Variants in MAP2 observed in about 807,000 individuals in gnomAD.
MAP2 encodes microtubule associated protein 2.
Under a neutral mutation model 137.6 loss-of-function variants are expected in MAP2, and 14 were observed. The ratio of observed to expected loss-of-function variants is 0.10; its 90% confidence interval spans 0.07 to 0.16. The LOEUF (loss-of-function observed/expected upper bound fraction) is 0.16. MAP2 is among the 10% of genes least tolerant of loss of function. MAP2 has a pLI of 1.00. For synonymous variants in MAP2, 786 were observed against 782.3 expected (o/e 1.00, Z -0.08); for missense variants, 2,088 against 2,191.5 (o/e 0.95, Z 0.94).
In MAP2 at chr2:209,577,222, TG is replaced by T. The variant is rs1335449802; in HGVS notation, c.-171-2813del. On this transcript the variant is annotated intron_variant, in intron 2 of 15. Coordinates refer to ENST00000682079, the MANE Select transcript of MAP2 (RefSeq NM_001375505.1). Reference sequence around the variant, plus strand: ...ATATTTAAAGGGGCATTTTTTTTTTTGCGGGTCGGGGGAAGAATTCTAACCA... The same window carrying T: ...ATATTTAAAGGGGCATTTTTTTTTTTCGGGTCGGGGGAAGAATTCTAACCA... Among the ~76,000 whole-genome samples the T allele has an allele frequency of 2.0e-5, 3 of 152,172 alleles. No homozygotes were observed. In the East Asian group the frequency reaches 5.8e-4, roughly 29 times the overall value.
chr2:209,517,614 T>G (rs1054174560), intron 2 of MAP2, among the ~76,000 whole-genome samples: 1 of 152,044 alleles, frequency 6.6e-6, no homozygotes, highest in Non-Finnish European at 1.5e-5. Flanking sequence ...ATTGTAGTTT[T>G]TGATACGTAT....
At chr2:209,700,617 GTCCAGTTTAGT>G (rs1158355590) in intron 11 of MAP2, among the ~76,000 whole-genome samples, 1 of 152,130 alleles carries the variant, frequency 6.6e-6, no homozygotes, top group Non-Finnish European at 1.5e-5. Context: ...AAGTAAGGAA[GTCCAGTTTAGT>G]TACTTTTCAT....
intron 1 of MAP2, among the ~76,000 whole-genome samples, chr2:209,467,463 C>G (rs1008177075): frequency 2.0e-5 from 3 of 152,144 alleles, no homozygotes; most frequent in African/African-American, 4.8e-5. Context: ...TCTCTTCCTA[C>G]TACTCCCATT....
intron 2 of MAP2, among the ~76,000 whole-genome samples, chr2:209,527,624 C>T (rs546827378): frequency 1.2e-4 from 19 of 152,218 alleles, no homozygotes; most frequent in Admixed American, 3.3e-4. Context: ...TAGTGTGACA[C>T]CATGTGTGGC....
At chr2:209,545,811 C>T (rs2153275342) in intron 2 of MAP2, among the ~76,000 whole-genome samples, 1 of 152,278 alleles carries the variant, frequency 6.6e-6, no homozygotes, top group Admixed American at 6.5e-5. Flanking sequence ...ATTAAATTCA[C>T]ATACAACACC....
At chr2:209,667,566 C>T (rs2046895331) in intron 5 of MAP2, among the ~76,000 whole-genome samples, 1 of 151,900 alleles carries the variant, frequency 6.6e-6, no homozygotes, top group African/African-American at 2.4e-5. Flanking sequence ...AACAAAGGTA[C>T]AAGTCCTGAT....
chr2:209,558,484 C>T (rs1025602777), intron 2 of MAP2, among the ~76,000 whole-genome samples: 4 of 152,136 alleles, frequency 2.6e-5, no homozygotes, highest in East Asian at 1.9e-4. Flanking sequence ...CCACCACGCC[C>T]GGCCACACAT....
rs868351369 is a variant in MAP2, at chr2:209,576,387, G to A, written c.-171-3649G>A. Among the ~76,000 whole-genome samples the A allele has an allele frequency of 2.6e-5, 4 of 151,970 alleles. No homozygotes were observed. In the South Asian group the frequency reaches 6.2e-4, roughly 24 times the overall value. ...GCTTCCCAAGTAGCTGGGACTACAG[G>A]CATGCACCACCACACCCAGCTAATT... On this transcript the variant is annotated intron_variant, in intron 2 of 15. Coordinates refer to ENST00000682079, the MANE Select transcript of MAP2 (RefSeq NM_001375505.1).
chr2:209,638,443 C>T (rs955158075), intron 4 of MAP2, among the ~76,000 whole-genome samples: 2 of 152,008 alleles, frequency 1.3e-5, no homozygotes, highest in Admixed American at 6.6e-5. Context: ...GTGGGCACAG[C>T]ACAACACAAG....
At chr2:209,527,763 A>C (rs1452918676) in intron 2 of MAP2, among the ~76,000 whole-genome samples, 1 of 152,122 alleles carries the variant, frequency 6.6e-6, no homozygotes, top group East Asian at 1.9e-4. Context: ...ACTTGTTAGA[A>C]ATGTAAATCT....
At chr2:209,652,900 A>G (rs1325232508) in intron 4 of MAP2, among the ~76,000 whole-genome samples, 2 of 152,188 alleles carry the variant, frequency 1.3e-5, no homozygotes, top group African/African-American at 4.8e-5. Flanking sequence ...TTTGTTTACA[A>G]AAAGGAATAT....
chr2:209,604,783 T>C (rs2084116005), intron 3 of MAP2, among the ~76,000 whole-genome samples: 1 of 152,130 alleles, frequency 6.6e-6, no homozygotes, highest in East Asian at 1.9e-4. Flanking sequence ...AAAATACTGA[T>C]AATTATAGTT....
Position 209,696,986 on chromosome 2 carries a change from T to C in MAP2, c.4457T>C (p.Ile1486Thr), listed in dbSNP as rs1416602869. 1.2e-6 allele frequency: 2 copies of C among 1,613,580 alleles called. No homozygotes were observed. The highest frequency in any genetic ancestry group is 1.3e-5 in the African/African-American group (1 of 75,044). Reference sequence around the variant, plus strand: ...GCCCACTCTCCCTCCAGGAAATTCATTTTAAAACCTGCTATCAAATATACT... The same window carrying C: ...GCCCACTCTCCCTCCAGGAAATTCACTTTAAAACCTGCTATCAAATATACT... Reference protein sequence around the residue: ...VQAHSPSRKFILKPAIKYTRP... With the variant: ...VQAHSPSRKFTLKPAIKYTRP... Residue 1486 changes from isoleucine (I) to threonine (T), a missense_variant, in exon 10 of 16, where the codon ATT (isoleucine) becomes ACT (threonine). Physicochemically the swap from Ile to Thr is moderately conservative, Grantham distance 89 (BLOSUM62 -1). Transcript: ENST00000682079.
At chr2:209,540,660 A>AAAAAACAAAG (rs1577569192) in intron 2 of MAP2, among the ~76,000 whole-genome samples, 1 of 129,206 alleles carries the variant, frequency 7.7e-6, no homozygotes, top group Non-Finnish European at 1.5e-5. Flanking sequence ...AAAAAAAAAA[A>AAAAAACAAAG]AAGAAGAAAA....
intron 14 of MAP2, among the ~76,000 whole-genome samples, chr2:209,726,373 T>C (rs906718423): frequency 1.9e-4 from 29 of 152,242 alleles, no homozygotes; most frequent in Non-Finnish European, 4.0e-4. Context: ...TTTATATTCA[T>C]AGTTACTGGG....
chr2:209,549,347 C>CTCTG (rs1377419150), intron 2 of MAP2, among the ~76,000 whole-genome samples: 2 of 152,126 alleles, frequency 1.3e-5, no homozygotes, highest in Non-Finnish European at 2.9e-5. Context: ...TGCAAGGCTT[C>CTCTG]AGAGTAAACT....
intron 3 of MAP2, among the ~76,000 whole-genome samples, chr2:209,595,341 G>A (rs1559376027): frequency 6.6e-6 from 1 of 152,104 alleles, no homozygotes; most frequent in Non-Finnish European, 1.5e-5. Flanking sequence ...ATTTTATCTG[G>A]CTTCAGTTAA....
intron 2 of MAP2, among the ~76,000 whole-genome samples, chr2:209,546,586 A>G (rs767479920): frequency 6.6e-6 from 1 of 152,148 alleles, no homozygotes; most frequent in African/African-American, 2.4e-5. Context: ...AGTGCATATC[A>G]AAAAGGATAT....
intron 4 of MAP2, among the ~76,000 whole-genome samples, chr2:209,625,444 A>G (rs2092123119): frequency 6.6e-6 from 1 of 152,204 alleles, no homozygotes; most frequent in African/African-American, 2.4e-5. Flanking sequence ...TACCTGTTAC[A>G]TGCCAAGCAT....
Sources: allele counts gnomAD v4.1 joint callset (sites outside exome capture counted in the v4.1 genomes callset), GRCh38; gene constraint gnomAD v4.1.1; transcripts MANE v1.5; gene names NCBI Gene and HGNC (gene_info 2026-07-23, HGNC 2026-07-21).